Variants in FAT3 observed in about 807,000 individuals in gnomAD.
The protein encoded by FAT3 is protocadherin Fat 3.
A neutral mutation model predicts 310.2 loss-of-function variants in FAT3; 95 were observed. That is an observed-to-expected ratio of 0.31 (90% CI 0.26 to 0.36). The LOEUF is 0.36. Among genes scored for constraint, FAT3 ranks in the 10% least tolerant of loss-of-function variants. The probability of loss-of-function intolerance (pLI) is 1.00; values close to 1 mark genes in which losing one functional copy is unlikely to be tolerated. For synonymous variants in FAT3, 2,314 were observed against 2,192.9 expected (o/e 1.06, Z -1.54); for missense variants, 5,408 against 5,715.6 (o/e 0.95, Z 1.74).
chr11:92,335,015 C>A (rs1046057723), intron 1 of FAT3, among the ~76,000 whole-genome samples: 1 of 152,148 alleles, frequency 6.6e-6, no homozygotes, highest in Non-Finnish European at 1.5e-5. Flanking sequence ...AGGAGAAATG[C>A]TTACTACATT....
intron 7 of FAT3, among the ~76,000 whole-genome samples, chr11:92,784,670 A>T (rs796394228): frequency 1.7e-4 from 26 of 152,336 alleles, no homozygotes; most frequent in African/African-American, 6.0e-4. Context: ...TTTGAGAGTT[A>T]CTTTGCTTTG....
intron 7 of FAT3, among the ~76,000 whole-genome samples, chr11:92,781,947 T>G (rs2057747052): frequency 6.6e-6 from 1 of 152,182 alleles, no homozygotes; most frequent in Admixed American, 6.5e-5. Context: ...GTTACATTGA[T>G]TTGATTCAGG....
chr11:92,728,065 T>TACATAGCTCTGGTGGTCTA (rs1327501296), intron 4 of FAT3, among the ~76,000 whole-genome samples: 1 of 152,192 alleles, frequency 6.6e-6, no homozygotes, highest in Non-Finnish European at 1.5e-5. Context: ...GGAGTGGTTT[T>TACATAGCTCTGGTGGTCTA]ACATAGCTCT....
Position 92,660,743 on chromosome 11 carries a change from G to A in FAT3, c.3608-36641G>A, listed in dbSNP as rs116596117. On this transcript the variant is annotated intron_variant, in intron 3 of 27. Transcript: ENST00000525166. ...GTGGACATGGCCTTTTCTTGTTCTGGATTTTATGGCTTTGAGACAAAGGTA... is the reference window on the plus strand; with the variant it reads ...GTGGACATGGCCTTTTCTTGTTCTGAATTTTATGGCTTTGAGACAAAGGTA... Among the ~76,000 whole-genome samples the A allele has an allele frequency of 3.2e-3, 494 of 152,288 alleles. 3 individuals carry two copies. Among genetic ancestry groups the A allele is most frequent in the African/African-American group, 0.012 (479 of 41,562 alleles).
chr11:92,419,411 C>T (rs944672928), intron 2 of FAT3, among the ~76,000 whole-genome samples: 1 of 152,092 alleles, frequency 6.6e-6, no homozygotes, highest in African/African-American at 2.4e-5. Context: ...ATCTAATTAA[C>T]TTGCATAGAT....
At chr11:92,303,067 G>A (rs929850748) in intron 1 of FAT3, among the ~76,000 whole-genome samples, 2 of 152,182 alleles carry the variant, frequency 1.3e-5, no homozygotes, top group East Asian at 1.9e-4. Context: ...AGCATCTACC[G>A]AAGTAGGCAC....
chr11:92,735,879 C>T (rs1042161988), intron 4 of FAT3, among the ~76,000 whole-genome samples: 1 of 151,968 alleles, frequency 6.6e-6, no homozygotes, highest in Non-Finnish European at 1.5e-5. Context: ...GAATAATTAA[C>T]ATGTTATTTC....
chr11:92,669,699 C>G (rs1189754174), intron 3 of FAT3, among the ~76,000 whole-genome samples: 1 of 152,200 alleles, frequency 6.6e-6, no homozygotes, highest in Non-Finnish European at 1.5e-5. Flanking sequence ...TGGTTAAGAA[C>G]ATGTGCTTTC....
rs1347611567 is a variant in FAT3, at chr11:92,801,845, C to T, written c.8832C>T (p.Ala2944=). Residue 2944 remains alanine, a synonymous_variant, in exon 10 of 28, where the codon GCC becomes GCT. Coordinates refer to ENST00000525166, the MANE Select transcript of FAT3 (RefSeq NM_001367949.2). ...GCGACCCACCGGGCGAGGTGGTAGC[C>T]GTCCTCAGCACCTGGGACAGAGACA... is the stretch of plus-strand genomic sequence containing the variant. ...KESDPPGEVV[A]VLSTWDRDTS... is the part of the protein sequence containing the mutation. 4.3e-6 allele frequency: 7 copies of T among 1,613,794 alleles called. No homozygotes were observed. The highest frequency in any genetic ancestry group is 5.9e-6 in the Non-Finnish European group (7 of 1,179,840).
Position 92,377,281 on chromosome 11 carries a change from A to G in FAT3, c.3292+21877A>G, listed in dbSNP as rs144082240. On this transcript the variant is annotated intron_variant, in intron 2 of 27. Transcript: ENST00000525166. ...TTTATAGTTATAATAAAAATATCCAATGGGTTATCAGCCCTATCATCATTT... is the reference window on the plus strand; with the variant it reads ...TTTATAGTTATAATAAAAATATCCAGTGGGTTATCAGCCCTATCATCATTT... 3.1e-4 allele frequency among the ~76,000 whole-genome samples: 47 copies of G among 152,310 alleles called. No homozygotes were observed. The East Asian group carries it at 8.1e-3, about 26-fold the overall frequency.
At chr11:92,323,508 C>G (rs1045594372) in intron 1 of FAT3, among the ~76,000 whole-genome samples, 3 of 152,008 alleles carry the variant, frequency 2.0e-5, no homozygotes, top group East Asian at 1.9e-4. Context: ...CCATGTTGAC[C>G]TCCAAAAGTA....
chr11:92,301,897 G>A (rs1167864112), intron 1 of FAT3, among the ~76,000 whole-genome samples: 1 of 151,954 alleles, frequency 6.6e-6, no homozygotes, highest in Non-Finnish European at 1.5e-5. Context: ...GGCTTTGAGG[G>A]GCCCTGAATC....
intron 3 of FAT3, among the ~76,000 whole-genome samples, chr11:92,660,724 A>G (rs890251130): frequency 6.6e-6 from 1 of 152,220 alleles, no homozygotes; most frequent in Non-Finnish European, 1.5e-5. Context: ...AACTGTGGAC[A>G]TGGCCTTTTC....
At chr11:92,560,478 T>C (rs1434609755) in intron 3 of FAT3, among the ~76,000 whole-genome samples, 1 of 129,842 alleles carries the variant, frequency 7.7e-6, no homozygotes, top group Non-Finnish European at 1.7e-5. Context: ...TGCTTGTGAT[T>C]TTGCTTTTGC....
At chr11:92,379,304 A>G (rs1949431974) in intron 2 of FAT3, among the ~76,000 whole-genome samples, 1 of 152,200 alleles carries the variant, frequency 6.6e-6, no homozygotes, top group African/African-American at 2.4e-5. Flanking sequence ...ACATTCATAA[A>G]TTTGAACCAC....
chr11:92,363,138 C>A (rs976070061), intron 2 of FAT3, among the ~76,000 whole-genome samples: 12 of 152,186 alleles, frequency 7.9e-5, no homozygotes, highest in Non-Finnish European at 1.8e-4. Flanking sequence ...GGATTTATTT[C>A]AGCTGGTGGC....
chr11:92,695,260 A>G (rs916021526), intron 3 of FAT3, among the ~76,000 whole-genome samples: 1 of 152,306 alleles, frequency 6.6e-6, no homozygotes, highest in African/African-American at 2.4e-5. Context: ...GAATCAGAGG[A>G]CCGTCACAGG....
At chr11:92,483,470 G>A (rs1952292116) in intron 2 of FAT3, among the ~76,000 whole-genome samples, 1 of 151,844 alleles carries the variant, frequency 6.6e-6, no homozygotes, top group African/African-American at 2.4e-5. Flanking sequence ...TGAGTAGCTG[G>A]GATTACAGGT....
chr11:92,627,202 AG>A lies in FAT3; in HGVS notation c.3608-70179del, dbSNP rs78593177. ...TGAATGTTCGTCGCTGATTAATAAG[AG>A]GGAGACCTCTTTATATAAAGGTTAG... On this transcript the variant is annotated intron_variant, in intron 3 of 27. Coordinates refer to ENST00000525166, the MANE Select transcript of FAT3 (RefSeq NM_001367949.2). 9.7e-3 allele frequency among the ~76,000 whole-genome samples: 1,472 copies of A among 152,310 alleles called. 95 individuals carry two copies. In the East Asian group the frequency reaches 0.18, roughly 19 times the overall value.
Sources: gnomAD v4.1 joint callset for allele counts (sites outside exome capture counted in the v4.1 genomes callset) on GRCh38, gnomAD v4.1.1 for gene constraint, MANE v1.5 for transcripts, NCBI Gene and HGNC (gene_info 2026-07-23, HGNC 2026-07-21) for gene names.